The following KLHL4 variants were observed in gnomAD, a reference collection of about 807,000 sequenced individuals.
KLHL4 encodes kelch-like protein 4.
A neutral mutation model predicts 45.8 loss-of-function variants in KLHL4; 17 were observed. That is an observed-to-expected ratio of 0.37 (90% CI 0.25 to 0.56). KLHL4 has a LOEUF of 0.56. Among genes scored for constraint, KLHL4 ranks in the 20% least tolerant of loss-of-function variants. KLHL4 has a pLI of 0.79. For missense variants in KLHL4, 544 were observed against 544.9 expected, an observed-to-expected ratio of 1.00 and a Z score of 0.02; for synonymous variants, 224 against 189.9, an observed-to-expected ratio of 1.18 and a Z score of -1.47.
intron 8 of KLHL4, 122 bp downstream of exon 8, chrX:87,634,033 A>G (rs1264442905): frequency 3.8e-6 from 2 of 526,393 alleles, no homozygotes; most frequent in African/African-American, 4.7e-5. Flanking sequence ...TATCAATAAT[A>G]AAAGGTCTTC....
At chrX:87,555,310 T>C (rs1931944792) in intron 1 of KLHL4, among the ~76,000 whole-genome samples, 1 of 110,330 alleles carries the variant, frequency 9.1e-6, no homozygotes, top group African/African-American at 3.3e-5. Flanking sequence ...TTCCTCCTTG[T>C]ACCTCTGGTA....
At position 87,655,197 on chromosome X, in the gene KLHL4, G is replaced by A. The variant is rs764812429; in HGVS notation, c.1926-9567G>A. Among the ~76,000 whole-genome samples, 4 of 111,692 alleles carry A rather than the reference G, an allele frequency of 3.6e-5. No homozygotes were observed. In the Admixed American group the frequency reaches 3.8e-4, roughly 11 times the overall value. ...TGCCTTCATTGCCTGTGCTTTTGAG[G>A]TCTTAGTCAGGAATTTTTTGCCAAG... On this transcript the variant is annotated intron_variant, in intron 9 of 10. Coordinates refer to ENST00000373119, the MANE Select transcript of KLHL4 (RefSeq NM_019117.5).
chrX:87,657,387 C>T (rs1335429064), intron 9 of KLHL4, among the ~76,000 whole-genome samples: 1 of 111,787 alleles, frequency 8.9e-6, no homozygotes, highest in Non-Finnish European at 1.9e-5. Flanking sequence ...AAGCACTAAC[C>T]CTGACAGAGA....
intron 6 of KLHL4, among the ~76,000 whole-genome samples, chrX:87,629,749 A>T (rs745535225): frequency 2.7e-5 from 3 of 111,759 alleles, no homozygotes; most frequent in African/African-American, 9.7e-5. Context: ...GAAGATTGGG[A>T]TGAGGAAATG....
intron 1 of KLHL4, among the ~76,000 whole-genome samples, chrX:87,599,633 A>T: frequency 9.1e-6 from 1 of 109,394 alleles, no homozygotes; most frequent in East Asian, 2.8e-4. Flanking sequence ...TCAGAAAAAA[A>T]TAGGTAGCAA....
intron 9 of KLHL4, among the ~76,000 whole-genome samples, chrX:87,641,128 A>G (rs1256633747): frequency 8.9e-6 from 1 of 111,885 alleles, no homozygotes; most frequent in Non-Finnish European, 1.9e-5. Context: ...GATGGACTGC[A>G]AGAACAAACC....
At chrX:87,524,250 A>T (rs945568196) in intron 1 of KLHL4, among the ~76,000 whole-genome samples, 16 of 111,338 alleles carry the variant, frequency 1.4e-4, no homozygotes, top group Middle Eastern at 9.4e-3. Flanking sequence ...AATTGCTAAA[A>T]TTTTTTACAT....
At chrX:87,621,222 T>C (rs754952695) in intron 4 of KLHL4, among the ~76,000 whole-genome samples, 16 of 111,853 alleles carry the variant, frequency 1.4e-4, no homozygotes, top group African/African-American at 5.2e-4. Flanking sequence ...GGAATATCTG[T>C]TTATTATGCA....
intron 1 of KLHL4, among the ~76,000 whole-genome samples, chrX:87,571,400 T>C (rs1037502707): frequency 1.8e-5 from 2 of 111,190 alleles, no homozygotes; most frequent in African/African-American, 6.5e-5. Context: ...ACTTAAAGAA[T>C]ATAAAGATCA....
chrX:87,536,725 G>A (rs1489474637), intron 1 of KLHL4, among the ~76,000 whole-genome samples: 1 of 110,695 alleles, frequency 9.0e-6, no homozygotes, highest in Non-Finnish European at 1.9e-5. Context: ...TAGTCACTTA[G>A]TGAAAATACA....
chrX:87,665,407 G>A (rs1014780588), intron 10 of KLHL4, among the ~76,000 whole-genome samples: 12 of 111,079 alleles, frequency 1.1e-4, no homozygotes, highest in Admixed American at 1.9e-4. Flanking sequence ...TAGAGACTGT[G>A]TAGACTGCAA....
At chrX:87,540,142 C>T (rs922302768) in intron 1 of KLHL4, among the ~76,000 whole-genome samples, 1 of 111,163 alleles carries the variant, frequency 9.0e-6, no homozygotes, top group African/African-American at 3.3e-5. Flanking sequence ...ATGAAGCTTG[C>T]AGGACCTGAA....
At chrX:87,552,536 C>A (rs190639524) in intron 1 of KLHL4, among the ~76,000 whole-genome samples, 160 of 110,996 alleles carry the variant, frequency 1.4e-3, no homozygotes, top group African/African-American at 4.8e-3. Context: ...TTTGATCTAG[C>A]AATCCCACTA....
chrX:87,603,122 C>G (rs1181692846), intron 1 of KLHL4, among the ~76,000 whole-genome samples: 1 of 111,317 alleles, frequency 9.0e-6, no homozygotes, highest in East Asian at 2.8e-4. Context: ...ACAGTAGCAC[C>G]AGTAATAATT....
At chrX:87,594,789 A>C (rs751741654) in intron 1 of KLHL4, among the ~76,000 whole-genome samples, 12 of 111,523 alleles carry the variant, frequency 1.1e-4, no homozygotes, top group African/African-American at 3.9e-4. Flanking sequence ...ATTTTTTCAT[A>C]TTGTATTTCA....
intron 9 of KLHL4, among the ~76,000 whole-genome samples, chrX:87,642,323 C>T (rs912769559): frequency 1.8e-5 from 2 of 111,482 alleles, no homozygotes; most frequent in Non-Finnish European, 3.8e-5. Context: ...CAGGAAGCCA[C>T]ATCCATAAGA....
chrX:87,615,288 A>G (rs906686396), intron 3 of KLHL4, among the ~76,000 whole-genome samples: 7 of 111,411 alleles, frequency 6.3e-5, no homozygotes, highest in African/African-American at 1.9e-4. Flanking sequence ...TGTAAAGTAT[A>G]TAATCCCCAA....
chrX:87,599,912 C>G (rs943770348), intron 1 of KLHL4, among the ~76,000 whole-genome samples: 3 of 112,462 alleles, frequency 2.7e-5, no homozygotes, highest in Non-Finnish European at 5.6e-5. Flanking sequence ...GCAATAAAGC[C>G]ATTCAATTAC....
intron 9 of KLHL4, among the ~76,000 whole-genome samples, chrX:87,656,504 C>G (rs1185433231): frequency 9.2e-6 from 1 of 108,124 alleles, no homozygotes; most frequent in African/African-American, 3.4e-5. Context: ...TTTGTAATTC[C>G]TTCAATGAAT....
Sources: gnomAD v4.1 joint callset for allele counts (sites outside exome capture counted in the v4.1 genomes callset) on GRCh38, gnomAD v4.1.1 for gene constraint, MANE v1.5 for transcripts, NCBI Gene and HGNC (gene_info 2026-07-23, HGNC 2026-07-21) for gene names.